The following XIRP2 variants were observed in gnomAD, a reference collection of about 807,000 sequenced individuals.
XIRP2 encodes xin actin-binding repeat-containing protein 2.
XIRP2 carries 236 observed loss-of-function variants against 277.0 expected under a neutral mutation model. The ratio of observed to expected loss-of-function variants is 0.85; its 90% confidence interval spans 0.77 to 0.95. The LOEUF is 0.95. Ranked by LOEUF, XIRP2 falls within the 40% of genes least tolerant of loss-of-function variation. The probability of loss-of-function intolerance (pLI) is 0.00; values close to 1 mark genes in which losing one functional copy is unlikely to be tolerated. For missense variants in XIRP2, 4,640 were observed against 4,157.5 expected (o/e 1.12, Z -3.19); for synonymous variants, 1,490 against 1,416.5 (o/e 1.05, Z -1.17).
chr2:167,005,034 C>A (rs1167019762), intron 2 of XIRP2, among the ~76,000 whole-genome samples: 1 of 151,508 alleles, frequency 6.6e-6, no homozygotes, highest in Non-Finnish European at 1.5e-5. Flanking sequence ...CCACTATTGG[C>A]AAGAAATAAT....
At chr2:167,122,504 T>G (rs1691085571) in intron 2 of XIRP2, among the ~76,000 whole-genome samples, 1 of 152,162 alleles carries the variant, frequency 6.6e-6, no homozygotes, top group African/African-American at 2.4e-5. Flanking sequence ...TGACGTCGTT[T>G]CCAGCACCAG....
Position 166,971,700 on chromosome 2 carries a change from G to C in XIRP2, c.408+67810G>C, listed in dbSNP as rs181946688. 2.4e-3 allele frequency among the ~76,000 whole-genome samples: 363 copies of C among 152,150 alleles called. 1 individual carries two copies. Among genetic ancestry groups the C allele is most frequent in the African/African-American group, 8.3e-3 (344 of 41,538 alleles). ...AAATCAGACATTGATCTACAAGACT[G>C]ACAGGAGTATGTCAGAATATTTAAT... is the stretch of plus-strand genomic sequence containing the variant. On this transcript the variant is annotated intron_variant, in intron 2 of 10. Coordinates refer to ENST00000409195, the MANE Select transcript of XIRP2 (RefSeq NM_152381.6).
chr2:167,135,957 C>G lies in XIRP2; in HGVS notation c.457C>G (p.Pro153Ala). ...GTGCTCGCCAGCTTTTAAGAGTCAC[C>G]CTGGGAGCCAGCTGGAGGATTCTGT... is the stretch of plus-strand genomic sequence containing the variant. ...SLCSPAFKSH[P>A]GSQLEDSVKD... is the part of the protein sequence containing the mutation. The change falls in exon 3 of 11, where the codon CCT (proline) becomes GCT (alanine). Residue 153 changes from proline to alanine, a missense_variant. Transcript: ENST00000409195. 1 of 1,609,512 alleles carries G rather than the reference C, an allele frequency of 6.2e-7. No homozygotes were observed. The highest frequency in any genetic ancestry group is 1.1e-5 in the South Asian group (1 of 90,524).
chr2:167,052,462 T>A (rs147888299), intron 2 of XIRP2, among the ~76,000 whole-genome samples: 1 of 152,286 alleles, frequency 6.6e-6, no homozygotes, highest in Non-Finnish European at 1.5e-5. Context: ...TCATACACTG[T>A]GTTATGTAAG....
chr2:167,105,959 T>C (rs960670856), intron 2 of XIRP2, among the ~76,000 whole-genome samples: 3 of 151,566 alleles, frequency 2.0e-5, no homozygotes. Flanking sequence ...TCTCTGAGGT[T>C]AAATGCCTCT....
intron 7 of XIRP2, 140 bp downstream of exon 7, chr2:167,240,876 T>A (rs945448732): frequency 5.6e-6 from 4 of 712,318 alleles, no homozygotes; most frequent in Non-Finnish European, 7.2e-6. Context: ...GAGAGCTGAG[T>A]AGTATTTCTA....
At chr2:166,931,160 A>G (rs977795124) in intron 2 of XIRP2, among the ~76,000 whole-genome samples, 5 of 151,570 alleles carry the variant, frequency 3.3e-5, no homozygotes, top group South Asian at 2.1e-4. Flanking sequence ...AGGTCGATAG[A>G]TTATATTATA....
In XIRP2 at chr2:167,190,679, C is replaced by T. The variant is rs540694675; in HGVS notation, c.563-20056C>T. Among the ~76,000 whole-genome samples the T allele has an allele frequency of 9.9e-5, 15 of 152,106 alleles. No homozygotes were observed. In the South Asian group the frequency reaches 2.1e-3, roughly 21 times the overall value. On this transcript the variant is annotated intron_variant, in intron 3 of 10. Transcript: ENST00000409195. ...TCAGTAAGAGCACAAAAAACAATGA[C>T]AATTAGGCAATGAAAAGAGCAGGTT... is the stretch of plus-strand genomic sequence containing the variant.
chr2:167,130,711 C>T (rs1691349102), intron 2 of XIRP2, among the ~76,000 whole-genome samples: 1 of 152,036 alleles, frequency 6.6e-6, no homozygotes, highest in South Asian at 2.1e-4. Flanking sequence ...ATTTCAATCG[C>T]TCTCTTAGAT....
rs149916982 is a variant in XIRP2 at position 167,030,797 on chromosome 2, G to A, written c.409-105112G>A. 5.3e-3 allele frequency among the ~76,000 whole-genome samples: 812 copies of A among 152,194 alleles called. 5 individuals carry two copies. Among genetic ancestry groups the A allele is most frequent in the Non-Finnish European group, 8.6e-3 (585 of 67,988 alleles). On this transcript the variant is annotated intron_variant, in intron 2 of 10. Transcript: ENST00000409195. ...CTAATATCGACAGTGGGGTGTTAAA[G>A]TCTCCCACTAATATTGTGTGGTAGT...
At chr2:167,120,784 T>A (rs541412969) in intron 2 of XIRP2, among the ~76,000 whole-genome samples, 9 of 152,136 alleles carry the variant, frequency 5.9e-5, no homozygotes, top group Non-Finnish European at 1.3e-4. Flanking sequence ...CCCTATTAGG[T>A]TCATATTTTG....
At chr2:166,954,192 T>C (rs983075119) in intron 2 of XIRP2, among the ~76,000 whole-genome samples, 4 of 151,950 alleles carry the variant, frequency 2.6e-5, no homozygotes, top group Admixed American at 6.6e-5. Context: ...TTTATGAATG[T>C]TCCATGATGT....
At chr2:167,039,853 A>T (rs768671594) in intron 2 of XIRP2, among the ~76,000 whole-genome samples, 18 of 152,248 alleles carry the variant, frequency 1.2e-4, no homozygotes, top group Non-Finnish European at 2.1e-4. Context: ...GAAGATTTAT[A>T]ACTTTTAACC....
Position 167,013,930 on chromosome 2 carries a change from C to A in XIRP2, c.408+110040C>A, listed in dbSNP as rs375675164. On this transcript the variant is annotated intron_variant, in intron 2 of 10. Transcript: ENST00000409195. ...GATATATCAGCTCAGTATCTAGTAT[C>A]TGTTTCTTTACAGGGGAGTGAGGAC... is the stretch of plus-strand genomic sequence containing the variant. 7.5e-4 allele frequency among the ~76,000 whole-genome samples: 114 copies of A among 151,260 alleles called. 1 individual carries two copies. The highest frequency in any genetic ancestry group is 2.7e-3 in the African/African-American group (111 of 41,350).
At chr2:167,233,623 G>C (rs1011387146) in intron 5 of XIRP2, among the ~76,000 whole-genome samples, 4 of 151,722 alleles carry the variant, frequency 2.6e-5, no homozygotes, top group African/African-American at 9.7e-5. Flanking sequence ...GTAATCAAGA[G>C]GTAGAGTTCT....
intron 5 of XIRP2, among the ~76,000 whole-genome samples, chr2:167,234,749 T>C (rs1033456191): frequency 5.9e-5 from 9 of 151,868 alleles, no homozygotes; most frequent in African/African-American, 2.2e-4. Context: ...AATTAGGACT[T>C]GGAATTGCCT....
intron 2 of XIRP2, among the ~76,000 whole-genome samples, chr2:166,936,868 T>C (rs1685533747): frequency 6.6e-6 from 1 of 152,224 alleles, no homozygotes; most frequent in Non-Finnish European, 1.5e-5. Context: ...CCTTGTTCTT[T>C]TGGCTTAGGA....
At chr2:167,008,502 A>G (rs1275198195) in intron 2 of XIRP2, among the ~76,000 whole-genome samples, 2 of 151,680 alleles carry the variant, frequency 1.3e-5, no homozygotes, top group African/African-American at 4.8e-5. Context: ...CTCATGTTAC[A>G]TGAGGTTACT....
chr2:167,224,860 G>A (rs1172562701), intron 5 of XIRP2, among the ~76,000 whole-genome samples: 1 of 152,068 alleles, frequency 6.6e-6, no homozygotes, highest in African/African-American at 2.4e-5. Flanking sequence ...TTTCTTTTCT[G>A]TTCTTTAGCC....
Sources: allele counts gnomAD v4.1 joint callset (sites outside exome capture counted in the v4.1 genomes callset), GRCh38; gene constraint gnomAD v4.1.1; transcripts MANE v1.5; gene names NCBI Gene and HGNC (gene_info 2026-07-23, HGNC 2026-07-21).